Variants in NCAM2 observed in about 807,000 individuals in gnomAD.
NCAM2 encodes N-CAM-2.
A neutral mutation model predicts 98.1 loss-of-function variants in NCAM2; 30 were observed. The ratio of observed to expected loss-of-function variants is 0.31; its 90% CI spans 0.23 to 0.41. The LOEUF (loss-of-function observed/expected upper bound fraction) is 0.41. Ranked by LOEUF, NCAM2 falls within the 10% of genes least tolerant of loss-of-function variation. The pLI, the probability that NCAM2 is intolerant of heterozygous loss-of-function variation, is 1.00. For missense variants in NCAM2, 867 were observed against 1,005.8 expected, an observed-to-expected ratio of 0.86 and a Z score of 1.87; for synonymous variants, 368 against 342.4, an observed-to-expected ratio of 1.07 and a Z score of -0.83.
intron 1 of NCAM2, among the ~76,000 whole-genome samples, chr21:21,067,446 T>C (rs2065463924): frequency 6.6e-6 from 1 of 152,114 alleles, no homozygotes; most frequent in Non-Finnish European, 1.5e-5. Flanking sequence ...AAACATGGGC[T>C]ACCTCTTTTA....
At chr21:21,471,888 TA>T (rs112016700) in intron 14 of NCAM2, among the ~76,000 whole-genome samples, 1 of 152,104 alleles carries the variant, frequency 6.6e-6, no homozygotes, top group African/African-American at 2.4e-5. Flanking sequence ...ACTAGAGTAA[TA>T]AAAGCAGAAT....
chr21:21,402,240 A>T (rs181544388), intron 9 of NCAM2, among the ~76,000 whole-genome samples: 1 of 152,156 alleles, frequency 6.6e-6, no homozygotes, highest in Admixed American at 6.6e-5. Flanking sequence ...AGTAGGAGAG[A>T]TATGGCTAAA....
At chr21:21,466,765 T>G (rs756679364) in intron 13 of NCAM2, 40 bp downstream of exon 13, 6 of 1,557,582 alleles carry the variant, frequency 3.9e-6, no homozygotes, top group Non-Finnish European at 5.2e-6. Context: ...TTTTGTCATT[T>G]TCTTCACTTG....
intron 8 of NCAM2, among the ~76,000 whole-genome samples, chr21:21,358,989 G>T (rs556172461): frequency 1.3e-5 from 2 of 152,062 alleles, no homozygotes; most frequent in East Asian, 3.9e-4. Context: ...GGAAAGCCAA[G>T]GTTATTTGGA....
At chr21:21,265,213 T>C (rs1305873293) in intron 1 of NCAM2, among the ~76,000 whole-genome samples, 2 of 121,524 alleles carry the variant, frequency 1.6e-5, no homozygotes, top group Non-Finnish European at 3.3e-5. Context: ...TGTGTGTATA[T>C]AGTATATTAT....
intron 5 of NCAM2, among the ~76,000 whole-genome samples, chr21:21,318,685 A>G (rs1204195181): frequency 1.3e-5 from 2 of 152,150 alleles, no homozygotes; most frequent in Non-Finnish European, 2.9e-5. Flanking sequence ...TTACCACTTT[A>G]CCTATGAATT....
chr21:21,304,298 A>T (rs1242853194), intron 5 of NCAM2, among the ~76,000 whole-genome samples: 1 of 145,774 alleles, frequency 6.9e-6, no homozygotes, highest in East Asian at 2.0e-4. Flanking sequence ...ATTGTGACAA[A>T]TTGGCGAAAG....
At chr21:21,135,518 C>G (rs915501823) in intron 1 of NCAM2, among the ~76,000 whole-genome samples, 1 of 152,170 alleles carries the variant, frequency 6.6e-6, no homozygotes, top group Non-Finnish European at 1.5e-5. Context: ...ACAGTCTTAG[C>G]ATTTATTTTA....
At chr21:21,051,339 C>A (rs925923795) in intron 1 of NCAM2, among the ~76,000 whole-genome samples, 8 of 152,170 alleles carry the variant, frequency 5.3e-5, no homozygotes, top group African/African-American at 1.9e-4. Flanking sequence ...CTTCGCTTCC[C>A]CTTTTCACAT....
At chr21:21,219,696 C>T (rs1313438769) in intron 1 of NCAM2, among the ~76,000 whole-genome samples, 2 of 152,070 alleles carry the variant, frequency 1.3e-5, no homozygotes, top group Non-Finnish European at 1.5e-5. Context: ...TAGAGTGTAT[C>T]TTTTCTACTT....
At chr21:21,203,672 G>A (rs1360468634) in intron 1 of NCAM2, among the ~76,000 whole-genome samples, 1 of 152,148 alleles carries the variant, frequency 6.6e-6, no homozygotes, top group Non-Finnish European at 1.5e-5. Context: ...AACAACTTTA[G>A]GAGATGCTGC....
At chr21:21,240,940 T>G (rs946601589) in intron 1 of NCAM2, among the ~76,000 whole-genome samples, 8 of 152,204 alleles carry the variant, frequency 5.3e-5, no homozygotes, top group Non-Finnish European at 1.2e-4. Flanking sequence ...TTATTATTGT[T>G]GATGGTGTTT....
chr21:21,474,123 C>T (rs1387100452), intron 14 of NCAM2, among the ~76,000 whole-genome samples: 2 of 151,858 alleles, frequency 1.3e-5, no homozygotes, highest in Admixed American at 6.6e-5. Flanking sequence ...TACAGATATG[C>T]ATACTTGAGA....
chr21:21,282,403 T>A (rs1375503306), intron 2 of NCAM2, among the ~76,000 whole-genome samples: 1 of 151,864 alleles, frequency 6.6e-6, no homozygotes, highest in East Asian at 1.9e-4. Context: ...AATAAGAATG[T>A]AAACTAAGTA....
At chr21:21,200,518 C>T (rs1458506966) in intron 1 of NCAM2, among the ~76,000 whole-genome samples, 1 of 151,880 alleles carries the variant, frequency 6.6e-6, no homozygotes, top group Admixed American at 6.6e-5. Context: ...CAATAGGTGG[C>T]CAGATAAAAC....
At chr21:21,108,685 C>T (rs917345488) in intron 1 of NCAM2, among the ~76,000 whole-genome samples, 1 of 151,942 alleles carries the variant, frequency 6.6e-6, no homozygotes, top group Non-Finnish European at 1.5e-5. Context: ...TCTTGCATTC[C>T]TTGGTTTAGG....
At chr21:21,270,578 G>T (rs902600568) in intron 1 of NCAM2, among the ~76,000 whole-genome samples, 8 of 152,120 alleles carry the variant, frequency 5.3e-5, no homozygotes, top group Non-Finnish European at 1.0e-4. Flanking sequence ...TATGTTTGGA[G>T]TTGTGACTTC....
chr21:21,169,845 C>G (rs2068064763), intron 1 of NCAM2, among the ~76,000 whole-genome samples: 1 of 152,050 alleles, frequency 6.6e-6, no homozygotes, highest in Non-Finnish European at 1.5e-5. Context: ...TTAGTCCCAG[C>G]TACTCAGGAG....
At chr21:21,133,366 T>C (rs1784483078) in intron 1 of NCAM2, among the ~76,000 whole-genome samples, 1 of 152,142 alleles carries the variant, frequency 6.6e-6, no homozygotes, top group African/African-American at 2.4e-5. Context: ...ACATGTTCTG[T>C]GGCAAAGGGA....
Sources: gnomAD v4.1 joint callset for allele counts (sites outside exome capture counted in the v4.1 genomes callset) on GRCh38, gnomAD v4.1.1 for gene constraint, MANE v1.5 for transcripts, NCBI Gene and HGNC (gene_info 2026-07-23, HGNC 2026-07-21) for gene names.